LINGO2: variants seen among roughly 807,000 people sequenced by gnomAD.
LINGO2 encodes the protein leucine-rich repeat and immunoglobulin-like domain-containing nogo receptor-interacting protein 2.
In LINGO2, 14 loss-of-function variants were observed where a neutral mutation model predicts 30.6. The ratio of observed to expected loss-of-function variants is 0.46; its 90% CI spans 0.30 to 0.72. The LOEUF (loss-of-function observed/expected upper bound fraction) is 0.72. Among genes scored for constraint, LINGO2 ranks in the 30% least tolerant of loss-of-function variants. The pLI, the probability that LINGO2 is intolerant of heterozygous loss-of-function variation, is 0.07. For synonymous variants in LINGO2, 317 were observed against 288.5 expected (o/e 1.10, Z -1.00); for missense variants, 729 against 751.7 (o/e 0.97, Z 0.35).
At chr9:28,630,170 C>T (rs978060612) in intron 1 of LINGO2, among the ~76,000 whole-genome samples, 1 of 151,698 alleles carries the variant, frequency 6.6e-6, no homozygotes, top group African/African-American at 2.4e-5. Context: ...ATGTAACTAA[C>T]TTGCACAATG....
chr9:28,553,111 G>T (rs569503199), intron 1 of LINGO2, among the ~76,000 whole-genome samples: 6 of 152,040 alleles, frequency 3.9e-5, no homozygotes, highest in Non-Finnish European at 8.8e-5. Flanking sequence ...CCAAAGGAAC[G>T]CAGCTCCTCA....
intron 3 of LINGO2, among the ~76,000 whole-genome samples, chr9:28,306,972 G>A (rs989835829): frequency 6.6e-6 from 1 of 151,986 alleles, no homozygotes; most frequent in African/African-American, 2.4e-5. Context: ...AGGACCAGAT[G>A]GATTCACAGC....
At chr9:29,075,963 C>A in the LINGO2 span, among the ~76,000 whole-genome samples, 1 of 152,212 alleles carries the variant, frequency 6.6e-6, no homozygotes, top group East Asian at 1.9e-4. Context: ...CAACAGCTCA[C>A]AGCAACCTGC....
At chr9:28,314,811 C>T (rs930467591) in intron 3 of LINGO2, among the ~76,000 whole-genome samples, 2 of 151,858 alleles carry the variant, frequency 1.3e-5, no homozygotes, top group Admixed American at 6.6e-5. Flanking sequence ...GATGAAACCC[C>T]GTCTCTACTA....
the LINGO2 span, among the ~76,000 whole-genome samples, chr9:28,925,424 T>C: frequency 6.6e-5 from 10 of 152,300 alleles, no homozygotes; most frequent in East Asian, 1.7e-3. Flanking sequence ...AATATGTCTA[T>C]GTGACCAAGT....
the LINGO2 span, among the ~76,000 whole-genome samples, chr9:29,002,587 T>C: frequency 6.6e-6 from 1 of 152,032 alleles, no homozygotes; most frequent in East Asian, 1.9e-4. Flanking sequence ...ATTTAACATG[T>C]GTTGAACAAT....
At chr9:27,976,236 T>C (rs546302086) in intron 5 of LINGO2, among the ~76,000 whole-genome samples, 2 of 152,220 alleles carry the variant, frequency 1.3e-5, no homozygotes, top group South Asian at 4.1e-4. Context: ...TGGCCACTAA[T>C]ATATTTTAGG....
chr9:29,059,687 C>T, the LINGO2 span, among the ~76,000 whole-genome samples: 1 of 152,034 alleles, frequency 6.6e-6, no homozygotes, highest in Admixed American at 6.6e-5. Flanking sequence ...GATGCGTTAA[C>T]CCACAACCCA....
At chr9:28,857,758 T>C in the LINGO2 span, among the ~76,000 whole-genome samples, 1 of 152,126 alleles carries the variant, frequency 6.6e-6, no homozygotes, top group Non-Finnish European at 1.5e-5. Flanking sequence ...AGACTTAACA[T>C]GAAAAAAATA....
At chr9:28,324,382 C>T (rs541823954) in intron 3 of LINGO2, among the ~76,000 whole-genome samples, 125 of 152,194 alleles carry the variant, frequency 8.2e-4, no homozygotes, top group African/African-American at 2.7e-3. Flanking sequence ...AGAGCAACTC[C>T]ATCTTGAATA....
the LINGO2 span, among the ~76,000 whole-genome samples, chr9:29,199,533 T>A: frequency 1.3e-5 from 2 of 152,070 alleles, no homozygotes; most frequent in African/African-American, 2.4e-5. Context: ...AGAGGCAGCA[T>A]CCTTGAACAG....
chr9:28,512,549 T>C (rs1820431937), intron 1 of LINGO2, among the ~76,000 whole-genome samples: 1 of 143,412 alleles, frequency 7.0e-6, no homozygotes, highest in African/African-American at 2.7e-5. Context: ...AAAATCTGTA[T>C]TAGGGTTCTC....
At chr9:28,690,946 T>A in the LINGO2 span, among the ~76,000 whole-genome samples, 1 of 152,120 alleles carries the variant, frequency 6.6e-6, no homozygotes, top group African/African-American at 2.4e-5. Context: ...TTTCAGTATA[T>A]AGAACAGGTA....
chr9:29,202,295 T>C, the LINGO2 span, among the ~76,000 whole-genome samples: 1 of 151,974 alleles, frequency 6.6e-6, no homozygotes, highest in Non-Finnish European at 1.5e-5. Context: ...TTTTTAAGTA[T>C]AAGTAGGAGT....
intron 1 of LINGO2, among the ~76,000 whole-genome samples, chr9:28,659,432 T>G (rs2136003783): frequency 6.6e-6 from 1 of 152,052 alleles, no homozygotes; most frequent in East Asian, 1.9e-4. Flanking sequence ...GACAGCTGAC[T>G]TATATACTTT....
chr9:28,472,471 G>C (rs979920529), intron 2 of LINGO2, among the ~76,000 whole-genome samples: 1 of 151,872 alleles, frequency 6.6e-6, no homozygotes, highest in African/African-American at 2.4e-5. Context: ...AATTAAAAAA[G>C]AAACTGTCAG....
At chr9:28,066,960 T>C (rs1356470476) in intron 4 of LINGO2, among the ~76,000 whole-genome samples, 1 of 152,076 alleles carries the variant, frequency 6.6e-6, no homozygotes, top group Non-Finnish European at 1.5e-5. Flanking sequence ...AAGCCTATTA[T>C]AAAATTCTAC....
At chr9:28,742,240 A>G in the LINGO2 span, among the ~76,000 whole-genome samples, 2 of 146,238 alleles carry the variant, frequency 1.4e-5, no homozygotes, top group South Asian at 2.2e-4. Flanking sequence ...AATAACATAT[A>G]TGTGTAAAAA....
intron 4 of LINGO2, among the ~76,000 whole-genome samples, chr9:28,271,968 A>G (rs1039677951): frequency 1.3e-5 from 2 of 152,184 alleles, no homozygotes; most frequent in Non-Finnish European, 2.9e-5. Flanking sequence ...ATGTCTCCAA[A>G]ACACCTCATC....
Sources: allele counts gnomAD v4.1 joint callset (sites outside exome capture counted in the v4.1 genomes callset), GRCh38; gene constraint gnomAD v4.1.1; transcripts MANE v1.5; gene names NCBI Gene and HGNC (gene_info 2026-07-23, HGNC 2026-07-21).